Variants in DYNC2H1 observed in about 807,000 individuals in gnomAD.
The protein encoded by DYNC2H1 is dynein cytoplasmic 2 heavy chain 1, also known as cytoplasmic dynein 2 heavy chain 1.
Under a neutral mutation model 570.0 loss-of-function variants are expected in DYNC2H1, and 410 were observed. That is an observed-to-expected ratio of 0.72 (90% CI 0.66 to 0.78). DYNC2H1 has a LOEUF of 0.78. Ranked by LOEUF, DYNC2H1 falls within the 30% of genes least tolerant of loss-of-function variation. The pLI, the probability that DYNC2H1 is intolerant of heterozygous loss-of-function variation, is 0.00. For missense variants in DYNC2H1, 4,865 were observed against 5,046.4 expected (o/e 0.96, Z 1.09); for synonymous variants, 1,688 against 1,677.6 (o/e 1.01, Z -0.15).
intron 59 of DYNC2H1, among the ~76,000 whole-genome samples, chr11:103,223,769 G>A (rs1162072037): frequency 1.5e-5 from 2 of 137,562 alleles, no homozygotes; most frequent in African/African-American, 5.5e-5. Flanking sequence ...TTTTTTTTGA[G>A]ACAGAGTCTT....
intron 19 of DYNC2H1, among the ~76,000 whole-genome samples, chr11:103,148,128 T>C (rs899742713): frequency 4.6e-5 from 7 of 152,182 alleles, no homozygotes; most frequent in African/African-American, 1.7e-4. Flanking sequence ...AATTCTGATA[T>C]AATGTATTTC....
At chr11:103,269,771 A>G (rs1326909728) in intron 70 of DYNC2H1, among the ~76,000 whole-genome samples, 1 of 152,216 alleles carries the variant, frequency 6.6e-6, no homozygotes, top group Non-Finnish European at 1.5e-5. Context: ...ACTTATGTTT[A>G]TAATAAAACA....
rs929302232 is a variant in DYNC2H1, at chr11:103,261,477, A to G, written c.10695+1500A>G. On this transcript the variant is annotated intron_variant, in intron 70 of 88. Transcript: ENST00000375735. The surrounding 1 kb of genome is among the most constrained non-coding windows in gnomAD (Gnocchi z 4.8). Reference sequence around the variant, plus strand: ...GCTGGCATCTGGTGCGTGCCCCTCTAGGACGAAGCTTCCAGAGGAAAGAAC... The same window carrying G: ...GCTGGCATCTGGTGCGTGCCCCTCTGGGACGAAGCTTCCAGAGGAAAGAAC... 1.3e-5 allele frequency among the ~76,000 whole-genome samples: 2 copies of G among 152,202 alleles called. No individual in the cohort carries two copies. The highest frequency in any genetic ancestry group is 2.9e-5 in the Non-Finnish European group (2 of 68,034).
At chr11:103,329,819 C>T (rs998916972) in intron 82 of DYNC2H1, among the ~76,000 whole-genome samples, 3 of 152,106 alleles carry the variant, frequency 2.0e-5, no homozygotes, top group Non-Finnish European at 4.4e-5. Context: ...TTTAAAGCAA[C>T]TATAAATATT....
chr11:103,188,957 A>G (rs1318967017), intron 44 of DYNC2H1, among the ~76,000 whole-genome samples: 7 of 152,200 alleles, frequency 4.6e-5, no homozygotes, highest in African/African-American at 1.7e-4. Context: ...TGTTTTATGC[A>G]GTTCATGAAA....
chr11:103,110,591 T>C (rs1858067357), intron 1 of DYNC2H1, among the ~76,000 whole-genome samples: 1 of 152,130 alleles, frequency 6.6e-6, no homozygotes, highest in Non-Finnish European at 1.5e-5. Flanking sequence ...ATTGCACTGC[T>C]CCCTCCACTG....
rs372916362 is a variant in DYNC2H1, at chr11:103,323,874, C to G, written c.11935-12C>G. On this transcript the variant is annotated splice_polypyrimidine_tract_variant and intron_variant, in intron 81 of 88. Transcript: ENST00000375735. ...TTTTTAAAAAAACTGTTTTTCACTT[C>G]TTTATATTTAGGACTATCGTGCTGT... The G allele has an allele frequency of 5.0e-6, 8 of 1,599,608 alleles. No homozygotes were observed. Among genetic ancestry groups the G allele is most frequent in the Non-Finnish European group, 6.0e-6 (7 of 1,171,814 alleles).
intron 84 of DYNC2H1, among the ~76,000 whole-genome samples, chr11:103,417,829 T>C (rs1943341828): frequency 2.0e-5 from 3 of 150,924 alleles, no homozygotes; most frequent in African/African-American, 7.3e-5. Context: ...TGAGCCAAGA[T>C]TGCACCACTG....
intron 47 of DYNC2H1, among the ~76,000 whole-genome samples, chr11:103,193,229 A>C (rs1160921609): frequency 2.0e-5 from 3 of 152,188 alleles, no homozygotes; most frequent in African/African-American, 7.2e-5. Context: ...TTAATAGTTC[A>C]GAGTTTGCTT....
At position 103,179,044 on chromosome 11, in the gene DYNC2H1, T is replaced by C. The variant is rs1861744343; in HGVS notation, c.6158T>C (p.Ile2053Thr). 6.2e-7 allele frequency: 1 copy of C among 1,609,546 alleles called. No homozygotes were observed. The highest frequency in any genetic ancestry group is 1.3e-5 in the African/African-American group (1 of 74,852). The change falls in exon 39 of 89, where the codon ATC becomes ACC. Residue 2053 changes from isoleucine to threonine, a missense_variant. Ile to Thr is a moderately conservative substitution (Grantham distance 89). This residue lies in a region of DYNC2H1 where 231 missense variants were observed against 310.3 expected (regional missense o/e 0.74). Coordinates refer to ENST00000375735, the MANE Select transcript of DYNC2H1 (RefSeq NM_001377.3). ...AAAATAGATGTCAGCTCATGGATAATCTGTGATGGTGATATTGACCCTGAA... is the reference window on the plus strand; with the variant it reads ...AAAATAGATGTCAGCTCATGGATAACCTGTGATGGTGATATTGACCCTGAA... ...REPQDVSSWI[I>T]CDGDIDPEWI...
At chr11:103,226,980 G>A (rs1018499615) in intron 59 of DYNC2H1, among the ~76,000 whole-genome samples, 2 of 152,144 alleles carry the variant, frequency 1.3e-5, no homozygotes, top group Non-Finnish European at 2.9e-5. Context: ...GTGCATAAAG[G>A]TGTTCATAGT....
Position 103,114,144 on chromosome 11 carries a change from T to C in DYNC2H1, c.408T>C (p.Asn136=), listed in dbSNP as rs1192578758. 6.2e-7 allele frequency: 1 copy of C among 1,609,866 alleles called. No homozygotes were observed. The highest frequency in any genetic ancestry group is 8.5e-7 in the Non-Finnish European group (1 of 1,177,942). Residue 136 remains asparagine, a synonymous_variant, in exon 3 of 89, where the codon AAT becomes AAC. Coordinates refer to ENST00000375735, the MANE Select transcript of DYNC2H1 (RefSeq NM_001377.3). ...WSRNFDPKLQ[N]LLSELEAGLG... ...GAAACTTTGATCCCAAACTTCAGAATCTTTTGAGTGAACTAGAAGCTGGGT... is the reference window on the plus strand; with the variant it reads ...GAAACTTTGATCCCAAACTTCAGAACCTTTTGAGTGAACTAGAAGCTGGGT...
In DYNC2H1 at chr11:103,275,156, T is replaced by C. The variant is rs1398906573; in HGVS notation, c.10696-5192T>C. Among the ~76,000 whole-genome samples, 1 of 152,160 alleles carries C rather than the reference T, an allele frequency of 6.6e-6. No individual in the cohort carries two copies. Among genetic ancestry groups the C allele is most frequent in the Non-Finnish European group, 1.5e-5 (1 of 68,028 alleles). On this transcript the variant is annotated intron_variant, in intron 70 of 88. Coordinates refer to ENST00000375735, the MANE Select transcript of DYNC2H1 (RefSeq NM_001377.3). The surrounding 1 kb of genome is among the most constrained non-coding windows in gnomAD (Gnocchi z 4.8). ...TATGTAATATTCATTGGCTATGTTA[T>C]AGTTGTGAATGTGTTTTTTTAAAGT... is the stretch of plus-strand genomic sequence containing the variant.
At chr11:103,273,076 AAAAAAAAAACTATTCAGAAAGC>A (rs1025338636) in intron 70 of DYNC2H1, among the ~76,000 whole-genome samples, 14 of 130,064 alleles carry the variant, frequency 1.1e-4, no homozygotes, top group African/African-American at 3.8e-4. Context: ...CAGTTTTTTT[AAAAAAAAAACTATTCAGAAAGC>A]CTTAATTTAT....
rs1210133620 is a variant in DYNC2H1 at position 103,151,927 on chromosome 11, T to C, written c.2947-209T>C. Among the ~76,000 whole-genome samples, 1 of 152,106 alleles carries C rather than the reference T, an allele frequency of 6.6e-6. No homozygotes were observed. Among genetic ancestry groups the C allele is most frequent in the Non-Finnish European group, 1.5e-5 (1 of 67,990 alleles). ...TGTTAGAGTGCCTTAGTTGAATTTGTGTATAGTAAAAAATAACCATCAGAA... is the reference window on the plus strand; with the variant it reads ...TGTTAGAGTGCCTTAGTTGAATTTGCGTATAGTAAAAAATAACCATCAGAA... On this transcript the variant is annotated intron_variant, in intron 20 of 88. Transcript: ENST00000375735. The surrounding 1 kb of genome is among the most constrained non-coding windows in gnomAD (Gnocchi z 4.6).
intron 82 of DYNC2H1, among the ~76,000 whole-genome samples, chr11:103,333,765 A>G (rs577310302): frequency 5.9e-5 from 9 of 152,316 alleles, no homozygotes; most frequent in African/African-American, 2.2e-4. Context: ...AATCCAATAA[A>G]TAGAAGAAAG....
intron 52 of DYNC2H1, among the ~76,000 whole-genome samples, chr11:103,208,221 A>G (rs1863012840): frequency 6.6e-6 from 1 of 152,176 alleles, no homozygotes; most frequent in Non-Finnish European, 1.5e-5. Context: ...GGGATTATCT[A>G]TAATGGATAT....
intron 65 of DYNC2H1, among the ~76,000 whole-genome samples, chr11:103,248,277 A>G (rs1467723603): frequency 6.6e-6 from 1 of 151,956 alleles, no homozygotes; most frequent in African/African-American, 2.4e-5. Context: ...AAGTTTTCCC[A>G]CTGGAGACCA....
At chr11:103,428,110 C>T (rs544823514) in intron 84 of DYNC2H1, among the ~76,000 whole-genome samples, 69 of 151,518 alleles carry the variant, frequency 4.6e-4, no homozygotes, top group African/African-American at 1.6e-3. Context: ...AGTAAAACAG[C>T]TTGCTACCTG....
Sources: gnomAD v4.1 joint callset for allele counts (sites outside exome capture counted in the v4.1 genomes callset) on GRCh38, gnomAD v4.1.1 for gene constraint, gnomAD v4.1.1 regional missense constraint, Gnocchi (gnomAD v3.1) non-coding constraint, MANE v1.5 for transcripts, NCBI Gene and HGNC (gene_info 2026-07-23, HGNC 2026-07-21) for gene names.